SMTN: variants seen among roughly 807,000 people sequenced by gnomAD.
SMTN encodes the protein smoothelin.
A neutral mutation model predicts 102.0 loss-of-function variants in SMTN; 58 were observed. The observed-to-expected ratio is 0.57, with a 90% CI of 0.46 to 0.71. The LOEUF is 0.71. SMTN is among the 30% of genes least tolerant of loss of function. The pLI, the probability that SMTN is intolerant of heterozygous loss-of-function variation, is 0.00. For missense variants in SMTN, 1,185 were observed against 1,241.7 expected, an observed-to-expected ratio of 0.95 and a Z score of 0.69; for synonymous variants, 478 against 497.9, an observed-to-expected ratio of 0.96 and a Z score of 0.53.
intron 1 of SMTN, among the ~76,000 whole-genome samples, chr22:31,069,184 G>T (rs1220721550): frequency 6.6e-6 from 1 of 152,142 alleles, no homozygotes; most frequent in East Asian, 1.9e-4. Context: ...GTTATTATAC[G>T]TCTGATTGAA....
In SMTN at chr22:31,095,346, C is replaced by T. The variant is rs5997872; in HGVS notation, c.1676C>T (p.Ala559Val). 266,587 of 1,613,820 alleles carry T rather than the reference C, an allele frequency of 0.17. 23,040 individuals are homozygous for T. Among genetic ancestry groups the T allele is most frequent in the Non-Finnish European group, 0.18 (208,377 of 1,179,788 alleles). ...GAGCCTCTCGCTGCAGCAGTGGAAG[C>T]GGCCAATGGGGCTGAGCAGACCCGA... is the stretch of plus-strand genomic sequence containing the variant. ...PAEPLAAAVE[A>V]ANGAEQTRVN... The change falls in exon 12 of 21, where the codon GCG (alanine) becomes GTG (valine). Residue 559 changes from alanine (A) to valine (V), a missense_variant. This residue lies in a region of SMTN where 1,096 missense variants were observed against 1,112.7 expected (regional missense o/e 0.98). Transcript: ENST00000333137. The surrounding 1 kb of genome is among the most constrained non-coding windows in gnomAD (Gnocchi z 4.1).
Position 31,091,279 on chromosome 22 carries a change from G to A in SMTN, c.1256G>A (p.Arg419Gln), listed in dbSNP as rs772550126. 45 of 1,599,028 alleles carry A rather than the reference G, an allele frequency of 2.8e-5. 1 individual carries two copies. The South Asian group carries it at 3.0e-4, about 11-fold the overall frequency. Reference sequence around the variant, plus strand: ...CCCCAGGAGGAGGGCCCCAGGGGGCGGGGCTTGGCTGCTAGGCCCCTTGAA... The same window carrying A: ...CCCCAGGAGGAGGGCCCCAGGGGGCAGGGCTTGGCTGCTAGGCCCCTTGAA... ...SCPQEEGPRG[R>Q]GLAARPLENR... is the part of the protein sequence containing the mutation. The change falls in exon 10 of 21, where the codon CGG becomes CAG. Residue 419 changes from arginine to glutamine, a missense_variant. Transcript: ENST00000333137.
intron 11 of SMTN, chr22:31,092,331 C>A (rs76337296): frequency 0.034 from 14,274 of 420,440 alleles, 324 homozygotes; most frequent in Middle Eastern, 0.07. Flanking sequence ...TCTGCGTCAA[C>A]CTCCCTGTGG....
chr22:31,094,074 C>T (rs1199417289), intron 11 of SMTN, among the ~76,000 whole-genome samples: 1 of 152,158 alleles, frequency 6.6e-6, no homozygotes, highest in Non-Finnish European at 1.5e-5. Flanking sequence ...CTTGGCAGCC[C>T]CTGGCATGAC....
At position 31,091,746 on chromosome 22, in the gene SMTN, C is replaced by G. The variant is rs116300758; in HGVS notation, c.1531C>G (p.Arg511Gly). 9.3e-6 allele frequency: 15 copies of G among 1,612,528 alleles called. No individual in the cohort carries two copies. In the African/African-American group the frequency reaches 1.9e-4, roughly 20 times the overall value. Residue 511 changes from arginine to glycine, a missense_variant, in exon 11 of 21, where the codon CGT becomes GGT. By Grantham distance (125) the Arg-to-Gly change is moderately radical (BLOSUM62 -2). This residue lies in a region of SMTN where 1,096 missense variants were observed against 1,112.7 expected (regional missense o/e 0.98). Coordinates refer to ENST00000333137, the MANE Select transcript of SMTN (RefSeq NM_134269.3). ...TAGTGGGGGCAAGAGCACCATCACC[C>G]GTGTCAACAGCCCTGGGACCCTGGC... ...TSSGGKSTIT[R>G]VNSPGTLARL...
chr22:31,084,662 A>G lies in SMTN; in HGVS notation c.51+1353A>G, dbSNP rs1022572225. 3.3e-5 allele frequency among the ~76,000 whole-genome samples: 5 copies of G among 152,350 alleles called. No homozygotes were observed. In the East Asian group the frequency reaches 9.6e-4, roughly 29 times the overall value. ...TCCTCATCTCAAGGTATCCACAGGC[A>G]GGCTCAGGGTTCTTCAGCCGCCACC... On this transcript the variant is annotated intron_variant, in intron 2 of 20. Coordinates refer to ENST00000333137, the MANE Select transcript of SMTN (RefSeq NM_134269.3).
chr22:31,084,923 C>T, intron 2 of SMTN: 1 of 1,339,218 alleles, frequency 7.5e-7, no homozygotes, highest in East Asian at 3.1e-5. Context: ...GGGGGCGTCC[C>T]GAGCCGGGCT....
At position 31,091,076 on chromosome 22, in the gene SMTN, A is replaced by G. The variant is rs765001494; in HGVS notation, c.1053A>G (p.Thr351=). ...SPMAARLQDG[T]PQAALSPLTP... ...TGGCTGCTAGGCTCCAGGATGGCACACCCCAGGCTGCCCTAAGTCCCCTGA... is the reference window on the plus strand; with the variant it reads ...TGGCTGCTAGGCTCCAGGATGGCACGCCCCAGGCTGCCCTAAGTCCCCTGA... Residue 351 remains threonine, a synonymous_variant, in exon 10 of 21, where the codon ACA becomes ACG. Coordinates refer to ENST00000333137, the MANE Select transcript of SMTN (RefSeq NM_134269.3). 7.4e-6 allele frequency: 12 copies of G among 1,613,688 alleles called. No individual in the cohort carries two copies. Among genetic ancestry groups the G allele is most frequent in the Non-Finnish European group, 9.3e-6 (11 of 1,179,896 alleles).
At chr22:31,066,884 A>T (rs2041863411) in intron 1 of SMTN, 1 of 151,816 alleles carries the variant, frequency 6.6e-6, no homozygotes, top group Admixed American at 6.6e-5. Flanking sequence ...TTTCCTGAGT[A>T]GCTGGGACTG....
At chr22:31,082,258 TG>T (rs1555961222) in intron 1 of SMTN, 1 of 221,386 alleles carries the variant, frequency 4.5e-6, no homozygotes, top group Non-Finnish European at 9.5e-6. Context: ...AGACATTAGT[TG>T]GGGCTACAGG....
At chr22:31,072,978 T>C (rs976835492) in intron 1 of SMTN, among the ~76,000 whole-genome samples, 2 of 147,712 alleles carry the variant, frequency 1.4e-5, no homozygotes, top group African/African-American at 5.0e-5. Context: ...AGCTAACACA[T>C]GGTAGGTGCT....
chr22:31,089,073 C>T (rs1031231532), intron 6 of SMTN, 104 bp downstream of exon 6: 1 of 894,382 alleles, frequency 1.1e-6, no homozygotes, highest in African/African-American at 1.7e-5. Flanking sequence ...GTAAGGGGCC[C>T]ACCCCTGCCA....
chr22:31,095,868 C>T lies in SMTN; in HGVS notation c.1861+259C>T, dbSNP rs1448528873. On this transcript the variant is annotated intron_variant, in intron 13 of 20. Transcript: ENST00000333137. The surrounding 1 kb of genome is among the most constrained non-coding windows in gnomAD (Gnocchi z 4.1). ...CCTTCCTAGACCCAGATACTCCCTC[C>T]CGCAGCTACTCTCTCCTTGGATCCA... 7.3e-6 allele frequency: 4 copies of T among 551,184 alleles called. No individual in the cohort carries two copies. Among genetic ancestry groups the T allele is most frequent in the Non-Finnish European group, 1.3e-5 (4 of 309,806 alleles). 34.1% of individuals were successfully genotyped at this position (551,184 alleles called of 1,614,324 possible).
chr22:31,082,491 T>C, intron 1 of SMTN: 1 of 476,690 alleles, frequency 2.1e-6, no homozygotes, highest in Middle Eastern at 3.2e-4. Flanking sequence ...CAGTGACAAA[T>C]CCTTGGCCCT....
chr22:31,098,438 G>T (rs1216149991), intron 16 of SMTN, among the ~76,000 whole-genome samples: 1 of 151,996 alleles, frequency 6.6e-6, no homozygotes, highest in African/African-American at 2.4e-5. Flanking sequence ...AGAACTACTC[G>T]TGGGTGGGGG....
chr22:31,099,326 C>G, intron 18 of SMTN, 147 bp downstream of exon 18: 1 of 620,514 alleles, frequency 1.6e-6, no homozygotes, highest in South Asian at 2.0e-5. Context: ...GGTGAGGAAA[C>G]TGAGGCTCAA....
chr22:31,095,724 C>G lies in SMTN; in HGVS notation c.1861+115C>G. 1 of 880,926 alleles carries G rather than the reference C, an allele frequency of 1.1e-6. No individual in the cohort carries two copies. Among genetic ancestry groups the G allele is most frequent in the East Asian group, 2.6e-5 (1 of 37,906 alleles). 54.6% of individuals were successfully genotyped at this position (880,926 alleles called of 1,614,324 possible). A position where few individuals can be genotyped will look rare whatever the true frequency, so the allele number is the denominator to read the frequency against. On this transcript the variant is annotated intron_variant, in intron 13 of 20. Coordinates refer to ENST00000333137, the MANE Select transcript of SMTN (RefSeq NM_134269.3). The surrounding 1 kb of genome is among the most constrained non-coding windows in gnomAD (Gnocchi z 4.1). ...GCTTAATAACTGCCCTACCCAGCTT[C>G]TCCTTCTCTAGACCCAGCAGTTCCC... is the stretch of plus-strand genomic sequence containing the variant.
chr22:31,077,702 C>T (rs1408246756), upstream of SMTN, among the ~76,000 whole-genome samples: 4 of 152,194 alleles, frequency 2.6e-5, no homozygotes, highest in Non-Finnish European at 5.9e-5. Flanking sequence ...TCTCCTTTGT[C>T]TGTGAGGCTG....
At chr22:31,093,452 C>T (rs1305039904) in intron 11 of SMTN, 6 of 560,666 alleles carry the variant, frequency 1.1e-5, no homozygotes, top group Admixed American at 5.3e-5. Context: ...AGCACCATGC[C>T]GGGGGTACCA....
Sources: gnomAD v4.1 joint callset for allele counts (sites outside exome capture counted in the v4.1 genomes callset) on GRCh38, gnomAD v4.1.1 for gene constraint, gnomAD v4.1.1 regional missense constraint, Gnocchi (gnomAD v3.1) non-coding constraint, MANE v1.5 for transcripts, NCBI Gene and HGNC (gene_info 2026-07-23, HGNC 2026-07-21) for gene names.